FRMD3: variants seen among roughly 807,000 people sequenced by gnomAD.
FRMD3 encodes FERM domain containing 3, also known as FERM domain-containing protein 3.
FRMD3 carries 33 observed loss-of-function variants against 70.2 expected under a neutral mutation model. That is an observed-to-expected ratio of 0.47 (90% confidence interval 0.36 to 0.63). FRMD3 has a LOEUF of 0.63. Ranked by LOEUF, FRMD3 falls within the 20% of genes least tolerant of loss-of-function variation. The pLI is 0.00. For synonymous variants in FRMD3, 279 were observed against 255.9 expected, an observed-to-expected ratio of 1.09 and a Z score of -0.86; for missense variants, 632 against 711.4, an observed-to-expected ratio of 0.89 and a Z score of 1.27.
intron 2 of FRMD3, among the ~76,000 whole-genome samples, chr9:83,379,818 C>T (rs1825301981): frequency 6.6e-6 from 1 of 151,950 alleles, no homozygotes; most frequent in African/African-American, 2.4e-5. Context: ...AGTATAAATA[C>T]CTCTGCTCCC....
chr9:83,363,579 G>T (rs1159335178), intron 3 of FRMD3, among the ~76,000 whole-genome samples: 1 of 121,010 alleles, frequency 8.3e-6, no homozygotes, highest in East Asian at 2.4e-4. Context: ...TTTTTGAGAC[G>T]GAGTCTCGCT....
chr9:83,361,625 C>T (rs1824588045), intron 3 of FRMD3, among the ~76,000 whole-genome samples: 1 of 152,020 alleles, frequency 6.6e-6, no homozygotes, highest in Non-Finnish European at 1.5e-5. Context: ...TCTAAAAAAC[C>T]CATGTCCACC....
At chr9:83,244,607 A>AATG (rs753311954), downstream of FRMD3, 8 of 944,726 alleles carry the variant, frequency 8.5e-6, no homozygotes, top group East Asian at 1.2e-4. Context: ...AATAAAACTG[A>AATG]ATGATTGCAA....
chr9:83,343,109 C>A (rs757896813), intron 5 of FRMD3, 81 bp downstream of exon 5: 3 of 1,004,950 alleles, frequency 3.0e-6, no homozygotes, highest in South Asian at 2.6e-5. Flanking sequence ...AGGATGGCCA[C>A]GGGTGGGAGA....
intron 4 of FRMD3, among the ~76,000 whole-genome samples, chr9:83,346,434 G>A (rs755366050): frequency 1.3e-5 from 2 of 152,050 alleles, no homozygotes; most frequent in African/African-American, 4.8e-5. Context: ...GTGAAAAGAC[G>A]CCAGACCCAA....
chr9:83,488,773 C>T (rs1413725750), intron 1 of FRMD3, among the ~76,000 whole-genome samples: 8 of 152,102 alleles, frequency 5.3e-5, no homozygotes, highest in Admixed American at 4.6e-4. Context: ...ATCAACACCG[C>T]CCCATTAAAT....
intron 1 of FRMD3, among the ~76,000 whole-genome samples, chr9:83,410,101 A>G (rs1826237477): frequency 6.6e-6 from 1 of 152,196 alleles, no homozygotes; most frequent in Admixed American, 6.5e-5. Flanking sequence ...CCTTTCACAC[A>G]TGGAAGAACC....
intron 1 of FRMD3, among the ~76,000 whole-genome samples, chr9:83,419,237 T>G (rs1826550137): frequency 6.6e-6 from 1 of 152,160 alleles, no homozygotes; most frequent in Admixed American, 6.5e-5. Context: ...CACCACTATG[T>G]AATTCATCTG....
chr9:83,417,790 C>T (rs1471765167), intron 1 of FRMD3, among the ~76,000 whole-genome samples: 1 of 152,054 alleles, frequency 6.6e-6, no homozygotes, highest in African/African-American at 2.4e-5. Context: ...AAGGAATGTT[C>T]AGGGGAAGAA....
Position 83,425,489 on chromosome 9 carries a change from C to T in FRMD3, c.148-35781G>A, listed in dbSNP as rs148877856. The stretch of plus-strand genomic sequence containing the variant: ...GACAACAGGAGTATGCATGAACTGG[C>T]CCGGGGAAACCTGTCCAGCAGGCAC... On this transcript the variant is annotated intron_variant, in intron 1 of 13. Transcript: ENST00000304195. Among the ~76,000 whole-genome samples the T allele has an allele frequency of 2.3e-3, 343 of 152,186 alleles. 3 individuals are homozygous for T. Among genetic ancestry groups the T allele is most frequent in the African/African-American group, 7.9e-3 (328 of 41,518 alleles).
At chr9:83,430,112 T>G (rs1263712948) in intron 1 of FRMD3, among the ~76,000 whole-genome samples, 1 of 152,224 alleles carries the variant, frequency 6.6e-6, no homozygotes, top group Admixed American at 6.5e-5. Context: ...GCCTTTCTGA[T>G]CATACCTTAT....
At chr9:83,289,537 G>A (rs1026198089) in intron 13 of FRMD3, among the ~76,000 whole-genome samples, 1 of 152,150 alleles carries the variant, frequency 6.6e-6, no homozygotes, top group African/African-American at 2.4e-5. Flanking sequence ...ATTGGTTGCT[G>A]CTACCTATCT....
At chr9:83,512,936 T>C (rs928542094) in intron 1 of FRMD3, among the ~76,000 whole-genome samples, 1 of 152,060 alleles carries the variant, frequency 6.6e-6, no homozygotes, top group South Asian at 2.1e-4. Flanking sequence ...TCTTCATGGA[T>C]CCCAGTCACA....
chr9:83,530,602 T>G (rs1466526280), intron 1 of FRMD3, among the ~76,000 whole-genome samples: 1 of 152,144 alleles, frequency 6.6e-6, no homozygotes, highest in African/African-American at 2.4e-5. Flanking sequence ...ATATTAAAAA[T>G]TGTATACCTT....
At chr9:83,532,278 C>G (rs1336199678) in intron 1 of FRMD3, among the ~76,000 whole-genome samples, 1 of 152,168 alleles carries the variant, frequency 6.6e-6, no homozygotes, top group East Asian at 1.9e-4. Flanking sequence ...AACATATGCT[C>G]TCAACCACTT....
chr9:83,412,765 C>A (rs1040299075), intron 1 of FRMD3, among the ~76,000 whole-genome samples: 5 of 152,106 alleles, frequency 3.3e-5, no homozygotes, highest in Admixed American at 1.3e-4. Context: ...GAGGCAGAGG[C>A]GGGTGGATAA....
chr9:83,349,056 G>A (rs1261021387), intron 4 of FRMD3, among the ~76,000 whole-genome samples: 1 of 152,146 alleles, frequency 6.6e-6, no homozygotes, highest in African/African-American at 2.4e-5. Context: ...GCACAGCAGC[G>A]CTCTCTCTCC....
intron 1 of FRMD3, among the ~76,000 whole-genome samples, chr9:83,482,292 CAAAAT>C (rs896673896): frequency 5.3e-5 from 8 of 152,168 alleles, no homozygotes; most frequent in African/African-American, 1.9e-4. Context: ...GTATAATTCA[CAAAAT>C]AATAACGGGA....
At chr9:83,541,641 C>T (rs1268763783), upstream of FRMD3, among the ~76,000 whole-genome samples, 1 of 152,202 alleles carries the variant, frequency 6.6e-6, no homozygotes, top group African/African-American at 2.4e-5. Context: ...AGCTCCCTGA[C>T]TTAAATGGGA....
Sources: gnomAD v4.1 joint callset for allele counts (sites outside exome capture counted in the v4.1 genomes callset) on GRCh38, gnomAD v4.1.1 for gene constraint, MANE v1.5 for transcripts, NCBI Gene and HGNC (gene_info 2026-07-23, HGNC 2026-07-21) for gene names.